GALNT6: variants seen among roughly 807,000 people sequenced by gnomAD.
GALNT6 encodes GalNAc transferase 6.
A neutral mutation model predicts 65.9 loss-of-function variants in GALNT6; 51 were observed. The observed-to-expected ratio is 0.77, with a 90% confidence interval of 0.62 to 0.98. The LOEUF is 0.98. Ranked by LOEUF, GALNT6 falls within the 50% of genes least tolerant of loss-of-function variation. The pLI is 0.00. For missense variants in GALNT6, 708 were observed against 803.3 expected (o/e 0.88, Z 1.43); for synonymous variants, 323 against 315.1 (o/e 1.02, Z -0.26).
rs769337547 is a variant in GALNT6, at chr12:51,379,285, A to G, written c.491+6T>C. On this transcript the variant is annotated splice_donor_region_variant and intron_variant, in intron 3 of 11. Transcript: ENST00000356317. ...TCTCCCCACAAGGACTCTGGGTGCT[A>G]CTTACTCAGGTGGTCGGGTGTCTGG... is the stretch of plus-strand genomic sequence containing the variant. 2 of 1,520,328 alleles carry G rather than the reference A, an allele frequency of 1.3e-6. No individual in the cohort carries two copies. Among genetic ancestry groups the G allele is most frequent in the Admixed American group, 2.3e-5 (1 of 44,230 alleles). The allele number at this position is 1,520,328 out of a possible 1,614,324, so 94.2% of individuals were successfully genotyped here. A position where few individuals can be genotyped will look rare whatever the true frequency, so the allele number is the denominator to read the frequency against.
At chr12:51,359,018 AG>A in intron 8 of GALNT6, 113 bp downstream of exon 8, 3 of 795,730 alleles carry the variant, frequency 3.8e-6, no homozygotes, top group Non-Finnish European at 6.3e-6. Flanking sequence ...CTGAGGGTGA[AG>A]GGAGGCGCCA....
Position 51,354,148 on chromosome 12 carries a change from C to A in GALNT6, c.*231G>T, listed in dbSNP as rs141244547. ...ACTTTGGGAGCCTCTATTTCTAGAACAGGAAAACGCTAGGCTAAATATATG... is the reference window on the plus strand; with the variant it reads ...ACTTTGGGAGCCTCTATTTCTAGAAAAGGAAAACGCTAGGCTAAATATATG... On this transcript the variant is annotated 3_prime_UTR_variant, in exon 12 of 12. Transcript: ENST00000356317. 2.3e-6 allele frequency: 1 copy of A among 427,148 alleles called. No individual in the cohort carries two copies. Among genetic ancestry groups the A allele is most frequent in the Non-Finnish European group, 4.1e-6 (1 of 245,296 alleles). 26.5% of individuals were successfully genotyped at this position (427,148 alleles called of 1,614,324 possible).
chr12:51,359,444 G>C (rs1946851621), intron 7 of GALNT6, 112 bp from the exon 8 acceptor site: 2 of 682,364 alleles, frequency 2.9e-6, no homozygotes, highest in South Asian at 3.9e-5. Context: ...AAGGACTTGG[G>C]CAAATGCTGC....
chr12:51,362,303 G>A (rs1390952356), intron 6 of GALNT6, among the ~76,000 whole-genome samples: 1 of 152,100 alleles, frequency 6.6e-6, no homozygotes, highest in Non-Finnish European at 1.5e-5. Flanking sequence ...CACAACCACA[G>A]GCAACCTCTA....
intron 10 of GALNT6, 105 bp from the exon 11 acceptor site, chr12:51,356,063 A>T: frequency 1.0e-6 from 1 of 979,250 alleles, no homozygotes; most frequent in Non-Finnish European, 1.6e-6. Flanking sequence ...GAGGAGAGTG[A>T]ATGTGAGGCC....
intron 7 of GALNT6, 162 bp from the exon 8 acceptor site, chr12:51,359,494 C>T (rs994771389): frequency 1.8e-6 from 1 of 560,270 alleles, no homozygotes; most frequent in African/African-American, 1.9e-5. Context: ...CAGGCTTCTT[C>T]CTAGGCCATG....
intron 4 of GALNT6, among the ~76,000 whole-genome samples, chr12:51,367,808 C>A (rs1326175271): frequency 2.0e-5 from 3 of 152,208 alleles, no homozygotes; most frequent in African/African-American, 7.2e-5. Context: ...TAGGTGTCTT[C>A]ATGGTGACTT....
At chr12:51,377,828 G>C (rs944510574) in intron 3 of GALNT6, among the ~76,000 whole-genome samples, 1 of 152,174 alleles carries the variant, frequency 6.6e-6, no homozygotes, top group Non-Finnish European at 1.5e-5. Context: ...AGAAGAAAAG[G>C]CTCTTCCCTT....
chr12:51,379,698 A>G lies in GALNT6; in HGVS notation c.84T>C (p.His28=), dbSNP rs149808331. The part of the protein sequence containing the change: ...CAFVLFLFLL[H]RDVSSREEAT... ...CCTCCTCTCTGCTGCTCACATCCCT[A>G]TGCAGGAGGAAGAGGAAGAGCACAA... Residue 28 remains histidine (H), a synonymous_variant, in exon 3 of 12, where the codon CAT becomes CAC. Transcript: ENST00000356317. 2.9e-4 allele frequency: 473 copies of G among 1,613,994 alleles called. 2 individuals are homozygous for G. The East Asian group carries it at 4.1e-3, about 14-fold the overall frequency.
chr12:51,378,077 G>T (rs573591939), intron 3 of GALNT6, among the ~76,000 whole-genome samples: 2 of 152,266 alleles, frequency 1.3e-5, no homozygotes, highest in South Asian at 4.1e-4. Flanking sequence ...TCCTCTGCTG[G>T]TCAGAGGATT....
At chr12:51,371,484 CTG>C (rs1947293087) in intron 4 of GALNT6, among the ~76,000 whole-genome samples, 1 of 152,202 alleles carries the variant, frequency 6.6e-6, no homozygotes, top group African/African-American at 2.4e-5. Context: ...CCTCAGGCCT[CTG>C]TGTTGGCTGC....
At chr12:51,374,714 C>T (rs376170482) in intron 4 of GALNT6, among the ~76,000 whole-genome samples, 3 of 152,298 alleles carry the variant, frequency 2.0e-5, no homozygotes, top group African/African-American at 7.2e-5. Context: ...TGTGGAGACT[C>T]TCAGCCTAAA....
chr12:51,380,114 G>A (rs986269831), intron 2 of GALNT6, among the ~76,000 whole-genome samples: 1 of 152,136 alleles, frequency 6.6e-6, no homozygotes, highest in African/African-American at 2.4e-5. Context: ...CTGGAACACT[G>A]AAACACTACA....
In GALNT6 at chr12:51,379,531, G is replaced by C. The variant is rs751680734; in HGVS notation, c.251C>G (p.Ser84Cys). 1 of 1,614,208 alleles carries C rather than the reference G, an allele frequency of 6.2e-7. No homozygotes were observed. The highest frequency in any genetic ancestry group is 8.5e-7 in the Non-Finnish European group (1 of 1,180,040). ...CCCAGGGAGGCAGGACTGGTTTATGGAGAACAGAGTCTGCTGGGCTTCTGG... is the reference window on the plus strand; with the variant it reads ...CCCAGGGAGGCAGGACTGGTTTATGCAGAACAGAGTCTGCTGGGCTTCTGG... ...RAPEAQQTLF[S>C]INQSCLPGFY... The change falls in exon 3 of 12, where the codon TCC becomes TGC. Residue 84 changes from serine (S) to cysteine (C), a missense_variant. Physicochemically the swap from Ser to Cys is moderately radical, Grantham distance 112. Coordinates refer to ENST00000356317, the MANE Select transcript of GALNT6 (RefSeq NM_007210.4).
At chr12:51,380,041 A>T (rs1160186745) in intron 2 of GALNT6, among the ~76,000 whole-genome samples, 157 bp from the exon 3 acceptor site, 1 of 152,230 alleles carries the variant, frequency 6.6e-6, no homozygotes, top group Admixed American at 6.5e-5. Context: ...CCATAAAATG[A>T]GGAGACCGGA....
rs1412632891 is a variant in GALNT6, at chr12:51,351,503, C to T, written c.*2876G>A. On this transcript the variant is annotated 3_prime_UTR_variant, in exon 12 of 12. Coordinates refer to ENST00000356317, the MANE Select transcript of GALNT6 (RefSeq NM_007210.4). ...CTGTGTAACAACTCTGCTTATTGAG[C>T]CCTTCCCATCTGAGGACTCATCTTC... The T allele has an allele frequency of 6.6e-6, 1 of 152,228 alleles. No individual in the cohort carries two copies. The highest frequency in any genetic ancestry group is 2.4e-5 in the African/African-American group (1 of 41,462). The allele number at this position is 152,228 out of a possible 1,614,324, so 9.4% of individuals were successfully genotyped here. A position where few individuals can be genotyped will look rare whatever the true frequency, so the allele number is the denominator to read the frequency against.
At chr12:51,371,054 A>AATTTATTATTATTATTATT (rs1555178908) in intron 4 of GALNT6, among the ~76,000 whole-genome samples, 25 of 144,446 alleles carry the variant, frequency 1.7e-4, no homozygotes, top group Admixed American at 8.3e-4. Context: ...CCTTTTAAAA[A>AATTTATTATTATTATTATT]ATTATTATTA....
At chr12:51,370,783 G>T (rs556593985) in intron 4 of GALNT6, among the ~76,000 whole-genome samples, 1 of 152,064 alleles carries the variant, frequency 6.6e-6, no homozygotes, top group East Asian at 1.9e-4. Context: ...GGTGACTCAC[G>T]CATGTAATCC....
In GALNT6 at chr12:51,377,228, C is replaced by A; in HGVS notation, c.631G>T (p.Glu211Ter). 6.2e-7 allele frequency: 1 copy of A among 1,613,870 alleles called. No homozygotes were observed. Among genetic ancestry groups the A allele is most frequent in the Non-Finnish European group, 8.5e-7 (1 of 1,180,024 alleles). The change falls in exon 4 of 12, where the codon GAG becomes TAG. Residue 211 changes from glutamate to a stop codon, truncating the protein, a stop_gained. Transcript: ENST00000356317. LOFTEE classifies it high-confidence loss of function. Reference protein sequence around the residue: ...LHTTPAILLKEIILVDDASTE... With the variant: ...LHTTPAILLK ...CTGGCATCATCCACCAGTATGATCT[C>A]CTTGAGCAAGATGGCAGGGGTGGTG...
Sources: gnomAD v4.1 joint callset for allele counts (sites outside exome capture counted in the v4.1 genomes callset) on GRCh38, gnomAD v4.1.1 for gene constraint, MANE v1.5 for transcripts, NCBI Gene and HGNC (gene_info 2026-07-23, HGNC 2026-07-21) for gene names.